The following SNTG2 variants were observed in gnomAD, a reference collection of about 807,000 sequenced individuals.
SNTG2 encodes gamma-2-syntrophin.
Under a neutral mutation model 70.9 loss-of-function variants are expected in SNTG2, and 74 were observed. The observed-to-expected ratio is 1.04, with a 90% CI of 0.86 to 1.27. The LOEUF (loss-of-function observed/expected upper bound fraction) is 1.27, where lower values mean the gene tolerates loss of function less well. Among genes scored for constraint, SNTG2 ranks in the 50% most tolerant of loss-of-function variants. SNTG2 has a pLI of 0.00. For synonymous variants in SNTG2, 278 were observed against 273.8 expected, an observed-to-expected ratio of 1.02 and a Z score of -0.15; for missense variants, 717 against 690.7, an observed-to-expected ratio of 1.04 and a Z score of -0.43.
intron 15 of SNTG2, among the ~76,000 whole-genome samples, chr2:1,312,308 C>T (rs1053964384): frequency 2.6e-5 from 4 of 152,298 alleles, no homozygotes; most frequent in Admixed American, 1.3e-4. Context: ...TCTCCTGCCC[C>T]GTCCAAGCGC....
At chr2:1,231,984 G>T (rs1269507084) in intron 9 of SNTG2, among the ~76,000 whole-genome samples, 1 of 152,162 alleles carries the variant, frequency 6.6e-6, no homozygotes, top group Non-Finnish European at 1.5e-5. Flanking sequence ...ATTCCTGAAG[G>T]CTGCTTCCTG....
chr2:1,322,836 C>T (rs567139692), intron 16 of SNTG2, among the ~76,000 whole-genome samples: 5 of 152,132 alleles, frequency 3.3e-5, no homozygotes, highest in Admixed American at 1.3e-4. Flanking sequence ...TGCCACTGAA[C>T]GTCACTGAGC....
At chr2:988,309 G>C (rs993042289) in intron 1 of SNTG2, among the ~76,000 whole-genome samples, 1 of 152,190 alleles carries the variant, frequency 6.6e-6, no homozygotes. Flanking sequence ...TGACCCCAGA[G>C]GCCCTGAGTC....
At chr2:965,164 C>T (rs1288828515) in intron 1 of SNTG2, among the ~76,000 whole-genome samples, 1 of 129,548 alleles carries the variant, frequency 7.7e-6, no homozygotes, top group African/African-American at 2.8e-5. Flanking sequence ...AGTCCTCCTC[C>T]TTGGACCCCA....
intron 15 of SNTG2, among the ~76,000 whole-genome samples, chr2:1,309,857 G>A (rs1680894335): frequency 6.6e-6 from 1 of 152,226 alleles, no homozygotes; most frequent in Admixed American, 6.5e-5. Context: ...GTGGGAAGTA[G>A]CTTCAGGGTT....
intron 1 of SNTG2, among the ~76,000 whole-genome samples, chr2:1,001,139 A>G (rs1376336417): frequency 6.6e-6 from 1 of 152,076 alleles, no homozygotes; most frequent in Non-Finnish European, 1.5e-5. Context: ...AGAGCCATGT[A>G]TGAGAAATGC....
intron 12 of SNTG2, among the ~76,000 whole-genome samples, chr2:1,255,875 TATATATATAA>T (rs1384084317): frequency 0.013 from 729 of 55,538 alleles, 8 homozygotes; most frequent in East Asian, 0.097. Flanking sequence ...TATATATAAA[TATATATATAA>T]ATATATATAA....
At chr2:978,925 A>G (rs950677241) in intron 1 of SNTG2, among the ~76,000 whole-genome samples, 1 of 152,212 alleles carries the variant, frequency 6.6e-6, no homozygotes, top group African/African-American at 2.4e-5. Context: ...TTTAAGTCAG[A>G]TTGCTGAATA....
At chr2:1,285,960 C>A (rs1490589938) in intron 14 of SNTG2, among the ~76,000 whole-genome samples, 1 of 152,200 alleles carries the variant, frequency 6.6e-6, no homozygotes, top group East Asian at 1.9e-4. Context: ...TCTTCCTTAC[C>A]TCTGTTGTGG....
chr2:1,082,818 A>G (rs897051477), intron 1 of SNTG2, among the ~76,000 whole-genome samples: 22 of 152,208 alleles, frequency 1.4e-4, no homozygotes, highest in Non-Finnish European at 5.9e-5. Flanking sequence ...CAACGTTTCT[A>G]ATGATCCAAA....
chr2:1,173,253 C>A (rs2147884540), intron 8 of SNTG2, 70 bp downstream of exon 8: 1 of 1,396,256 alleles, frequency 7.2e-7, no homozygotes, highest in Middle Eastern at 1.9e-4. Flanking sequence ...AATCTCTAGA[C>A]AGAATTAAAA....
chr2:1,050,551 T>C (rs538877821), intron 1 of SNTG2, among the ~76,000 whole-genome samples: 3 of 152,196 alleles, frequency 2.0e-5, no homozygotes, highest in Non-Finnish European at 4.4e-5. Flanking sequence ...TTTCTATTGA[T>C]TGAATTGCTC....
chr2:1,358,323 T>C (rs1208795173), intron 16 of SNTG2, among the ~76,000 whole-genome samples: 1 of 152,182 alleles, frequency 6.6e-6, no homozygotes, highest in Non-Finnish European at 1.5e-5. Flanking sequence ...CTTAGTTTTA[T>C]TGAGTTTTGC....
At chr2:1,117,289 A>G (rs574172629) in intron 4 of SNTG2, among the ~76,000 whole-genome samples, 65 of 152,316 alleles carry the variant, frequency 4.3e-4, no homozygotes, top group Non-Finnish European at 6.5e-4. Flanking sequence ...TAGAGAAGAC[A>G]TGGCAGAACA....
intron 4 of SNTG2, among the ~76,000 whole-genome samples, chr2:1,111,284 C>G (rs1262222965): frequency 6.6e-6 from 1 of 152,186 alleles, no homozygotes. Flanking sequence ...ATCAGAAGCC[C>G]TGAAGTGTGC....
At position 996,673 on chromosome 2, in the gene SNTG2, G is replaced by GTTT; in HGVS notation, c.72+45634_72+45636dup. Among the ~76,000 whole-genome samples, 28 of 35,094 alleles carry GTTT rather than the reference G, an allele frequency of 8.0e-4. 3 individuals carry two copies. In the South Asian group the frequency reaches 8.3e-3, roughly 10 times the overall value. 23.0% of individuals were successfully genotyped at this position (35,094 alleles called of 152,430 possible). On this transcript the variant is annotated intron_variant, in intron 1 of 16. Coordinates refer to ENST00000308624, the MANE Select transcript of SNTG2 (RefSeq NM_018968.4). ...ATATTGCTTGTATTTGAGTTACCCAGTTTTTTTTTTTTTTTTTTTTTTTTT... is the reference window on the plus strand; with the variant it reads ...ATATTGCTTGTATTTGAGTTACCCAGTTTTTTTTTTTTTTTTTTTTTTTTTTTT...
intron 14 of SNTG2, among the ~76,000 whole-genome samples, chr2:1,307,798 C>T (rs1044830809): frequency 1.3e-5 from 2 of 152,252 alleles, no homozygotes; most frequent in African/African-American, 2.4e-5. Context: ...TCACGGGCTC[C>T]GCAGCCTGAA....
intron 14 of SNTG2, among the ~76,000 whole-genome samples, chr2:1,284,598 C>T (rs1679693106): frequency 6.6e-6 from 1 of 152,106 alleles, no homozygotes; most frequent in Admixed American, 6.5e-5. Flanking sequence ...TTTTAGTTTG[C>T]ATATGGGGCC....
At chr2:1,132,248 C>CAT in intron 4 of SNTG2, among the ~76,000 whole-genome samples, 1 of 138,730 alleles carries the variant, frequency 7.2e-6, no homozygotes, top group African/African-American at 2.6e-5. Context: ...TATATATATA[C>CAT]ACACACACAC....
Sources: allele counts gnomAD v4.1 joint callset (sites outside exome capture counted in the v4.1 genomes callset), GRCh38; gene constraint gnomAD v4.1.1; transcripts MANE v1.5; gene names NCBI Gene and HGNC (gene_info 2026-07-23, HGNC 2026-07-21).